PRR12: variants seen among roughly 807,000 people sequenced by gnomAD.
The protein encoded by PRR12 is proline rich 12.
In PRR12, 12 loss-of-function variants were observed where a neutral mutation model predicts 138.0. The observed-to-expected ratio is 0.09, with a 90% CI of 0.06 to 0.14. The LOEUF is 0.14. Among genes scored for constraint, PRR12 ranks in the 10% least tolerant of loss-of-function variants. The pLI, the probability that PRR12 is intolerant of heterozygous loss-of-function variation, is 1.00. For missense variants in PRR12, 2,692 were observed against 2,861.3 expected (o/e 0.94, Z 1.35); for synonymous variants, 1,567 against 1,291.7 (o/e 1.21, Z -4.57).
At chr19:49,621,371 C>T (rs887736324) in intron 10 of PRR12, among the ~76,000 whole-genome samples, 154 bp from the exon 11 acceptor site, 2 of 151,486 alleles carry the variant, frequency 1.3e-5, no homozygotes, top group African/African-American at 4.9e-5. Context: ...GAGCTGGGGC[C>T]TGGACTCCTG....
intron 5 of PRR12, 100 bp from the exon 6 acceptor site, chr19:49,601,389 TAC>T: frequency 1.5e-6 from 1 of 689,512 alleles, no homozygotes. Flanking sequence ...GAGTGGTAGT[TAC>T]AGAGGGGCTT....
rs2080883750 is a variant in PRR12 at position 49,614,926 on chromosome 19, A to G, written c.4941A>G (p.Val1647=). 6.2e-7 allele frequency: 1 copy of G among 1,613,960 alleles called. No individual in the cohort carries two copies. Among genetic ancestry groups the G allele is most frequent in the Non-Finnish European group, 8.5e-7 (1 of 1,179,872 alleles). The change falls in exon 8 of 14, where the codon GTA becomes GTG. Residue 1647 remains valine, a synonymous_variant. Coordinates refer to ENST00000418929, the MANE Select transcript of PRR12 (RefSeq NM_020719.3). The surrounding 1 kb of genome is among the most constrained non-coding windows in gnomAD (Gnocchi z 5.0). ...AAAATCGGTACCAGCGCCTCTATGT[A>G]AAGTTCCTGGAAAATGTCAATAAGA... ...DAKNRYQRLY[V]KFLENVNKKD...
chr19:49,597,082 C>A lies in PRR12; in HGVS notation c.2747C>A (p.Pro916His). The change falls in exon 4 of 14, where the codon CCC (proline) becomes CAC (histidine). Residue 916 changes from proline (P) to histidine (H), a missense_variant. Physicochemically the swap from Pro to His is moderately conservative, Grantham distance 77. Coordinates refer to ENST00000418929, the MANE Select transcript of PRR12 (RefSeq NM_020719.3). The surrounding 1 kb of genome is among the most constrained non-coding windows in gnomAD (Gnocchi z 6.3). ...GKDPAGAYRS[P>H]SPQGTKAPRF... is the part of the protein sequence containing the mutation. ...GATCCCGCAGGCGCCTACCGCAGCCCCAGCCCGCAAGGCACCAAGGCGCCG... is the reference window on the plus strand; with the variant it reads ...GATCCCGCAGGCGCCTACCGCAGCCACAGCCCGCAAGGCACCAAGGCGCCG... 1.3e-6 allele frequency: 2 copies of A among 1,552,230 alleles called. No individual in the cohort carries two copies. Among genetic ancestry groups the A allele is most frequent in the Non-Finnish European group, 1.7e-6 (2 of 1,148,270 alleles).
rs767198172 is a variant in PRR12, at chr19:49,594,770, A to G, written c.435A>G (p.Ser145=). 6.2e-7 allele frequency: 1 copy of G among 1,613,214 alleles called. No individual in the cohort carries two copies. Among genetic ancestry groups the G allele is most frequent in the East Asian group, 2.2e-5 (1 of 44,834 alleles). ...CGGGTTCCAGCACCTTTCCGTCCTCATCTGCCCTGTCGGCTTACCAACACC... is the reference window on the plus strand; with the variant it reads ...CGGGTTCCAGCACCTTTCCGTCCTCGTCTGCCCTGTCGGCTTACCAACACC... ...ALPGSSTFPS[S]SALSAYQHPA... is the part of the protein sequence containing the mutation. Residue 145 remains serine (S), a synonymous_variant, in exon 4 of 14, where the codon TCA becomes TCG. Transcript: ENST00000418929. The surrounding 1 kb of genome is among the most constrained non-coding windows in gnomAD (Gnocchi z 5.6).
At chr19:49,621,207 A>G (rs1221400556) in intron 10 of PRR12, among the ~76,000 whole-genome samples, 1 of 32,146 alleles carries the variant, frequency 3.1e-5, no homozygotes, top group Non-Finnish European at 5.9e-5. Flanking sequence ...GGTCTGAGGG[A>G]GGAGGGGCTG....
At position 49,601,547 on chromosome 19, in the gene PRR12, C is replaced by A. The variant is rs1186705638; in HGVS notation, c.4402C>A (p.Gln1468Lys). 3 of 1,540,012 alleles carry A rather than the reference C, an allele frequency of 1.9e-6. No individual in the cohort carries two copies. Among genetic ancestry groups the A allele is most frequent in the Non-Finnish European group, 2.6e-6 (3 of 1,139,236 alleles). ...CACTCCACCTCCTGCCCCGACTCCT[C>A]AGCCTCAGCCTCCGCCACCCCCTCC... ...PPTPPPAPTP[Q>K]PQPPPPPPPP... The change falls in exon 6 of 14, where the codon CAG (glutamine) becomes AAG (lysine). Residue 1468 changes from glutamine (Q) to lysine (K), a missense_variant. Around this residue, in one of 11 missense-constraint regions of PRR12, gnomAD observed 231 missense variants for 200.8 expected, o/e 1.15. Coordinates refer to ENST00000418929, the MANE Select transcript of PRR12 (RefSeq NM_020719.3).
rs770074595 is a variant in PRR12 at position 49,621,430 on chromosome 19, GA to G, written c.5624-93del. On this transcript the variant is annotated intron_variant, in intron 10 of 13. Transcript: ENST00000418929. Reference sequence around the variant, plus strand: ...GGCCTGTACTTTTGTCTCTGAGTGGGAAGGGGATTTGGGGACCCAGACTCCA... The same window carrying G: ...GGCCTGTACTTTTGTCTCTGAGTGGGAGGGGATTTGGGGACCCAGACTCCA... 427 of 970,504 alleles carry G rather than the reference GA, an allele frequency of 4.4e-4. 2 individuals are homozygous for G. The highest frequency in any genetic ancestry group is 4.1e-4 in the Admixed American group (20 of 48,598). 60.1% of individuals were successfully genotyped at this position (970,504 alleles called of 1,614,324 possible).
intron 4 of PRR12, among the ~76,000 whole-genome samples, chr19:49,598,272 C>T (rs1189501981): frequency 6.6e-6 from 1 of 151,776 alleles, no homozygotes; most frequent in Non-Finnish European, 1.5e-5. Flanking sequence ...GACGGGGTTT[C>T]ACCGTATTAG....
chr19:49,595,229 C>A lies in PRR12; in HGVS notation c.894C>A (p.Ala298=), dbSNP rs751684783. 2.6e-6 allele frequency: 4 copies of A among 1,545,872 alleles called. No individual in the cohort carries two copies. The Middle Eastern group carries it at 6.6e-4, about 255-fold the overall frequency. The change falls in exon 4 of 14, where the codon GCC becomes GCA. Residue 298 remains alanine (A), a synonymous_variant. Coordinates refer to ENST00000418929, the MANE Select transcript of PRR12 (RefSeq NM_020719.3). The stretch of plus-strand genomic sequence containing the variant: ...AGCACTACCAGCGGCCAGCCAGTGC[C>A]CAGCCCCCACCACCCCCGCCACCAG... ...VIKHYQRPAS[A]QPPPPPPPAH...
chr19:49,614,402 A>G lies in PRR12; in HGVS notation c.4774-131A>G. ...GCTGAACACATCATGGGGGTAGAAG[A>G]TATTTGTTGTTGACGTGTCTGCCTT... On this transcript the variant is annotated intron_variant, in intron 6 of 13. Transcript: ENST00000418929. The surrounding 1 kb of genome is among the most constrained non-coding windows in gnomAD (Gnocchi z 5.0). 1.6e-6 allele frequency: 1 copy of G among 623,812 alleles called. No homozygotes were observed. The highest frequency in any genetic ancestry group is 2.8e-6 in the Non-Finnish European group (1 of 362,262). 38.6% of individuals were successfully genotyped at this position (623,812 alleles called of 1,614,324 possible).
In PRR12 at chr19:49,596,898, C is replaced by T. The variant is rs1481876705; in HGVS notation, c.2563C>T (p.Arg855Cys). The change falls in exon 4 of 14, where the codon CGC becomes TGC. Residue 855 changes from arginine to cysteine, a missense_variant. Transcript: ENST00000418929. The surrounding 1 kb of genome is among the most constrained non-coding windows in gnomAD (Gnocchi z 5.6). ...GCCCCTGCAGCTCGAGGCCCACCTC[C>T]GCAGCCATGGCCTGGAGCCCGCGGC... Reference protein sequence around the residue: ...PMPLQLEAHLRSHGLEPAAPS... With the variant: ...PMPLQLEAHLCSHGLEPAAPS... 5.8e-6 allele frequency: 9 copies of T among 1,557,430 alleles called. No individual in the cohort carries two copies. The highest frequency in any genetic ancestry group is 2.7e-5 in the African/African-American group (2 of 73,598).
Position 49,616,364 on chromosome 19 carries a change from C to A in PRR12, c.5497+145C>A. 1 of 682,194 alleles carries A rather than the reference C, an allele frequency of 1.5e-6. No individual in the cohort carries two copies. Among genetic ancestry groups the A allele is most frequent in the Non-Finnish European group, 2.3e-6 (1 of 444,340 alleles). The allele number at this position is 682,194 out of a possible 1,614,324, so 42.3% of individuals were successfully genotyped here. ...ATGGCAGTAGCTCACAGTCACGGGG[C>A]ATCTCACTACACGACAGGCTGCCTC... On this transcript the variant is annotated intron_variant, in intron 9 of 13. Transcript: ENST00000418929. This position sits in a 1 kb window ranked among gnomAD's most constrained non-coding sequence, Gnocchi z 4.2.
Position 49,591,696 on chromosome 19 carries a change from C to T in PRR12, c.42C>T (p.Leu14=), listed in dbSNP as rs772694361. 24 of 1,501,010 alleles carry T rather than the reference C, an allele frequency of 1.6e-5. No homozygotes were observed. Among genetic ancestry groups the T allele is most frequent in the South Asian group, 2.5e-5 (2 of 78,720 alleles). 93.0% of individuals were successfully genotyped at this position (1,501,010 alleles called of 1,614,324 possible). Residue 14 remains leucine, a synonymous_variant, in exon 1 of 14, where the codon CTC becomes CTT. Coordinates refer to ENST00000418929, the MANE Select transcript of PRR12 (RefSeq NM_020719.3). ...NYPSAGFGDP[L]GAGAGWSYER... Reference sequence around the variant, plus strand: ...CCAGCGCCGGCTTCGGGGACCCGCTCGGCGCCGGGGCGGGATGGAGTTACG... The same window carrying T: ...CCAGCGCCGGCTTCGGGGACCCGCTTGGCGCCGGGGCGGGATGGAGTTACG...
Position 49,617,243 on chromosome 19 carries a change from G to A in PRR12, c.5497+1024G>A, listed in dbSNP as rs568322628. Among the ~76,000 whole-genome samples the A allele has an allele frequency of 6.6e-5, 10 of 152,128 alleles. No homozygotes were observed. The South Asian group carries it at 2.1e-3, about 32-fold the overall frequency. ...CTGATTTTTGTTGAGTGTTTACTAT[G>A]TACCAGAAATCATTTTAAACATTTG... On this transcript the variant is annotated intron_variant, in intron 9 of 13. Coordinates refer to ENST00000418929, the MANE Select transcript of PRR12 (RefSeq NM_020719.3).
At position 49,597,829 on chromosome 19, in the gene PRR12, A is replaced by C; in HGVS notation, c.3494A>C (p.Asp1165Ala). 6.6e-7 allele frequency: 1 copy of C among 1,522,012 alleles called. No homozygotes were observed. Among genetic ancestry groups the C allele is most frequent in the Non-Finnish European group, 8.8e-7 (1 of 1,135,642 alleles). 94.3% of individuals were successfully genotyped at this position (1,522,012 alleles called of 1,614,324 possible). ...CGCAAGCCCACGAAGGCGAAACGTG[A>C]TGGGCCACCCCGGCCACGGGGGAGG... ...RGRKPTKAKR[D>A]GPPRPRGRPR... The change falls in exon 4 of 14, where the codon GAT becomes GCT. Residue 1165 changes from aspartate to alanine, a missense_variant. This residue lies in a region of PRR12 where 326 missense variants were observed against 344.2 expected (regional missense o/e 0.95). Coordinates refer to ENST00000418929, the MANE Select transcript of PRR12 (RefSeq NM_020719.3). This position sits in a 1 kb window ranked among gnomAD's most constrained non-coding sequence, Gnocchi z 6.3.
Position 49,625,340 on chromosome 19 carries a change from G to A in PRR12, c.5965-121G>A. On this transcript the variant is annotated intron_variant, in intron 13 of 13. Coordinates refer to ENST00000418929, the MANE Select transcript of PRR12 (RefSeq NM_020719.3). This position sits in a 1 kb window ranked among gnomAD's most constrained non-coding sequence, Gnocchi z 5.5. Reference sequence around the variant, plus strand: ...CTTCTGTCTTGGACTTAAGAATGCAGCCCCCAGCCCTGGTCTCCCTGGGAC... The same window carrying A: ...CTTCTGTCTTGGACTTAAGAATGCAACCCCCAGCCCTGGTCTCCCTGGGAC... The A allele has an allele frequency of 2.8e-6, 4 of 1,430,798 alleles. No individual in the cohort carries two copies. The South Asian group carries it at 5.2e-5, about 19-fold the overall frequency. 88.6% of individuals were successfully genotyped at this position (1,430,798 alleles called of 1,614,324 possible).
Position 49,596,843 on chromosome 19 carries a change from T to TGCC in PRR12, c.2508_2509insGCC (p.Pro836_Pro837insAla). 1.3e-6 allele frequency: 2 copies of TGCC among 1,546,714 alleles called. No individual in the cohort carries two copies. The highest frequency in any genetic ancestry group is 1.7e-6 in the Non-Finnish European group (2 of 1,148,708). ...CCCGCGATGGGGCACCCCAGCCACC[T>TGCC]CCACCGCCACCCCCGCCTCCACCAC... is the stretch of plus-strand genomic sequence containing the variant. On this transcript the variant is annotated inframe_insertion, in exon 4 of 14. Coordinates refer to ENST00000418929, the MANE Select transcript of PRR12 (RefSeq NM_020719.3). The surrounding 1 kb of genome is among the most constrained non-coding windows in gnomAD (Gnocchi z 5.6).
intron 8 of PRR12, 41 bp downstream of exon 8, chr19:49,615,050 G>A (rs750451333): frequency 7.9e-5 from 128 of 1,611,104 alleles, no homozygotes; most frequent in Middle Eastern, 3.6e-4. Flanking sequence ...AGTATGTAGC[G>A]CCGACAGGCA....
Position 49,596,966 on chromosome 19 carries a change from A to T in PRR12, c.2631A>T (p.Pro877=), listed in dbSNP as rs1034159657. 30 of 1,552,212 alleles carry T rather than the reference A, an allele frequency of 1.9e-5. No homozygotes were observed. The highest frequency in any genetic ancestry group is 2.6e-5 in the Non-Finnish European group (30 of 1,153,582). Residue 877 remains proline (P), a synonymous_variant, in exon 4 of 14, where the codon CCA becomes CCT. Coordinates refer to ENST00000418929, the MANE Select transcript of PRR12 (RefSeq NM_020719.3). This position sits in a 1 kb window ranked among gnomAD's most constrained non-coding sequence, Gnocchi z 5.6. ...RLRPEESLDP[P]GAMQELLGAL... is the part of the protein sequence containing the mutation. ...GACCCGAGGAGAGCCTGGATCCGCC[A>T]GGCGCCATGCAGGAATTGCTCGGGG...
Sources: gnomAD v4.1 joint callset for allele counts (sites outside exome capture counted in the v4.1 genomes callset) on GRCh38, gnomAD v4.1.1 for gene constraint, gnomAD v4.1.1 regional missense constraint, Gnocchi (gnomAD v3.1) non-coding constraint, MANE v1.5 for transcripts, NCBI Gene and HGNC (gene_info 2026-07-23, HGNC 2026-07-21) for gene names.